GLG1: variants seen among roughly 807,000 people sequenced by gnomAD.
GLG1 encodes Golgi apparatus protein 1.
Under a neutral mutation model 160.5 loss-of-function variants are expected in GLG1, and 38 were observed. The ratio of observed to expected loss-of-function variants is 0.24; its 90% CI spans 0.18 to 0.31. GLG1 has a LOEUF of 0.31. Among genes scored for constraint, GLG1 ranks in the 10% least tolerant of loss-of-function variants. The pLI is 1.00. For missense variants in GLG1, 1,373 were observed against 1,505.2 expected (o/e 0.91, Z 1.45); for synonymous variants, 644 against 543.4 (o/e 1.19, Z -2.57).
intron 9 of GLG1, 112 bp from the exon 10 acceptor site, chr16:74,483,236 A>G (rs2015671007): frequency 3.0e-6 from 2 of 669,828 alleles, no homozygotes; most frequent in Non-Finnish European, 5.3e-6. Context: ...TCTTAGGGCA[A>G]TCAGATTTAT....
intron 1 of GLG1, among the ~76,000 whole-genome samples, chr16:74,537,047 G>GT (rs1460112209): frequency 1.3e-5 from 2 of 152,168 alleles, no homozygotes; most frequent in East Asian, 1.9e-4. Context: ...ATGGAAAACT[G>GT]TAAGAAAAAA....
At position 74,528,811 on chromosome 16, in the gene GLG1, CAAAAAAAAA is replaced by C. The variant is rs35777516; in HGVS notation, c.471+3301_471+3309del. On this transcript the variant is annotated intron_variant, in intron 2 of 25. Coordinates refer to ENST00000422840, the MANE Select transcript of GLG1 (RefSeq NM_001145667.2). The stretch of plus-strand genomic sequence containing the variant: ...TCAGTGACAGAGCGAGATTCTGTCT[CAAAAAAAAA>C]AAAAAAAAAAAAAAAATTGTTAGGT... Among the ~76,000 whole-genome samples, 344 of 62,824 alleles carry C rather than the reference CAAAAAAAAA, an allele frequency of 5.5e-3. 6 individuals carry two copies. The highest frequency in any genetic ancestry group is 0.045 in the Admixed American group (183 of 4,084). 41.2% of individuals were successfully genotyped at this position (62,824 alleles called of 152,430 possible).
intron 2 of GLG1, among the ~76,000 whole-genome samples, chr16:74,514,306 A>C (rs2016908783): frequency 6.6e-6 from 1 of 152,168 alleles, no homozygotes; most frequent in Non-Finnish European, 1.5e-5. Flanking sequence ...AAAGATACTC[A>C]TCAAGAAGAG....
At chr16:74,468,065 C>T (rs1021171845) in intron 17 of GLG1, 6 of 479,558 alleles carry the variant, frequency 1.3e-5, no homozygotes, top group African/African-American at 1.2e-4. Context: ...GCCAAGTCTA[C>T]CCTGAAACAC....
intron 1 of GLG1, among the ~76,000 whole-genome samples, chr16:74,604,332 T>C (rs1038991463): frequency 1.3e-5 from 2 of 152,226 alleles, no homozygotes; most frequent in East Asian, 1.9e-4. Flanking sequence ...ACAAGTATTT[T>C]AGAGAAGACA....
At chr16:74,500,575 C>T (rs1296128289) in intron 4 of GLG1, among the ~76,000 whole-genome samples, 1 of 151,858 alleles carries the variant, frequency 6.6e-6, no homozygotes, top group Non-Finnish European at 1.5e-5. Context: ...TATTTCAATC[C>T]TTCTGCTGTC....
At chr16:74,601,853 A>G (rs1490564391) in intron 1 of GLG1, among the ~76,000 whole-genome samples, 4 of 152,178 alleles carry the variant, frequency 2.6e-5, no homozygotes, top group Non-Finnish European at 5.9e-5. Context: ...CACCCATGGT[A>G]CATTAGAAAG....
At chr16:74,453,619 G>A (rs1478148359) in intron 25 of GLG1, among the ~76,000 whole-genome samples, 1 of 152,172 alleles carries the variant, frequency 6.6e-6, no homozygotes, top group African/African-American at 2.4e-5. Flanking sequence ...CACTGAAGAT[G>A]TGTCGGGCCC....
In GLG1 at chr16:74,452,800, T is replaced by A. The variant is rs537796141; in HGVS notation, c.*367A>T. On this transcript the variant is annotated 3_prime_UTR_variant, in exon 26 of 26. Transcript: ENST00000422840. ...GCGTTACTATATACATTTTTTTCTTTAAAAAAATTTTTTTTTTTGGTGGTT... is the reference window on the plus strand; with the variant it reads ...GCGTTACTATATACATTTTTTTCTTAAAAAAAATTTTTTTTTTTGGTGGTT... 28 of 1,005,276 alleles carry A rather than the reference T, an allele frequency of 2.8e-5. No individual in the cohort carries two copies. The Admixed American group carries it at 6.9e-4, about 25-fold the overall frequency. 62.3% of individuals were successfully genotyped at this position (1,005,276 alleles called of 1,614,324 possible).
chr16:74,455,730 C>G (rs542903918), intron 25 of GLG1, among the ~76,000 whole-genome samples: 4 of 152,296 alleles, frequency 2.6e-5, no homozygotes, highest in African/African-American at 9.6e-5. Flanking sequence ...AGATGTCTAT[C>G]CCAATATGAG....
intron 1 of GLG1, among the ~76,000 whole-genome samples, chr16:74,596,836 G>C (rs1357627514): frequency 3.9e-5 from 6 of 152,188 alleles, no homozygotes; most frequent in Admixed American, 3.3e-4. Context: ...GATGTAATAG[G>C]CTGGGTACAG....
intron 21 of GLG1, 26 bp from the exon 22 acceptor site, chr16:74,462,221 T>C (rs767796854): frequency 3.3e-6 from 4 of 1,219,122 alleles, no homozygotes; most frequent in East Asian, 2.3e-5. Flanking sequence ...GGAGGATACA[T>C]GGGCTGATCA....
At chr16:74,527,245 C>CT (rs71158522) in intron 2 of GLG1, among the ~76,000 whole-genome samples, 15,630 of 83,094 alleles carry the variant, frequency 0.19, 2,023 homozygotes, top group Admixed American at 0.24. Context: ...TAAGTCAGTT[C>CT]TTTTTTTTTT....
At chr16:74,453,975 G>A (rs1055780223) in intron 25 of GLG1, among the ~76,000 whole-genome samples, 3 of 150,892 alleles carry the variant, frequency 2.0e-5, no homozygotes, top group African/African-American at 4.9e-5. Flanking sequence ...AGGTTTAAGC[G>A]ATTCTCCTCC....
intron 1 of GLG1, among the ~76,000 whole-genome samples, chr16:74,603,110 A>ACAGCAG (rs372869560): frequency 7.9e-4 from 120 of 151,402 alleles, no homozygotes; most frequent in African/African-American, 2.4e-3. Context: ...AACAACAACA[A>ACAGCAG]CAGCAGCAGC....
In GLG1 at chr16:74,451,144, C is replaced by G. The variant is rs2014278530; in HGVS notation, c.*2023G>C. 6.6e-6 allele frequency: 1 copy of G among 152,460 alleles called. No homozygotes were observed. Among genetic ancestry groups the G allele is most frequent in the Non-Finnish European group, 1.5e-5 (1 of 68,236 alleles). The allele number at this position is 152,460 out of a possible 1,614,324, so 9.4% of individuals were successfully genotyped here. On this transcript the variant is annotated 3_prime_UTR_variant, in exon 26 of 26. Transcript: ENST00000422840. Reference sequence around the variant, plus strand: ...TTAGGCCTCAGCGGCCCCCAGCCCCCAGGGGAACCTGCAGAGACTCTCGGG... The same window carrying G: ...TTAGGCCTCAGCGGCCCCCAGCCCCGAGGGGAACCTGCAGAGACTCTCGGG...
chr16:74,560,119 G>C (rs1473899710), intron 1 of GLG1, among the ~76,000 whole-genome samples: 1 of 152,148 alleles, frequency 6.6e-6, no homozygotes, highest in Non-Finnish European at 1.5e-5. Flanking sequence ...ATTGTTCTGG[G>C]TGGGTCTACG....
intron 1 of GLG1, among the ~76,000 whole-genome samples, chr16:74,582,335 T>G (rs1295966055): frequency 6.6e-6 from 1 of 151,952 alleles, no homozygotes; most frequent in Non-Finnish European, 1.5e-5. Flanking sequence ...CCCAGCTAAT[T>G]TTGTATTTTT....
Position 74,518,228 on chromosome 16 carries a change from G to C in GLG1, c.472-9303C>G, listed in dbSNP as rs997952800. Among the ~76,000 whole-genome samples the C allele has an allele frequency of 5.3e-5, 8 of 152,112 alleles. 1 individual carries two copies. The highest frequency in any genetic ancestry group is 2.0e-4 in the Admixed American group (3 of 15,250). ...AAACTTCATATGGAGCCAAAAAAGA[G>C]CTAGCATAGCCAAGAAAATCTTGGG... On this transcript the variant is annotated intron_variant, in intron 2 of 25. Coordinates refer to ENST00000422840, the MANE Select transcript of GLG1 (RefSeq NM_001145667.2).
Sources: gnomAD v4.1 joint callset for allele counts (sites outside exome capture counted in the v4.1 genomes callset) on GRCh38, gnomAD v4.1.1 for gene constraint, MANE v1.5 for transcripts, NCBI Gene and HGNC (gene_info 2026-07-23, HGNC 2026-07-21) for gene names.